The following FAM200B variants were observed in gnomAD, a reference collection of about 807,000 sequenced individuals.
FAM200B encodes protein FAM200B.
FAM200B carries 32 observed loss-of-function variants against 33.1 expected under a neutral mutation model. That is an observed-to-expected ratio of 0.97 (90% CI 0.73 to 1.30). The LOEUF (loss-of-function observed/expected upper bound fraction) is 1.30. Ranked by LOEUF, FAM200B falls within the 50% of genes most tolerant of loss-of-function variation. FAM200B has a pLI of 0.00. For missense variants in FAM200B, 741 were observed against 754.0 expected (o/e 0.98, Z 0.20); for synonymous variants, 240 against 264.8 (o/e 0.91, Z 0.91).
the FAM200B span, chr4:15,641,516 T>C: frequency 5.0e-6 from 2 of 399,596 alleles, no homozygotes; most frequent in Non-Finnish European, 9.8e-6. Flanking sequence ...TTCTTTTCTC[T>C]AGCTTACCTT....
the FAM200B span, among the ~76,000 whole-genome samples, chr4:15,668,497 T>C: frequency 6.6e-6 from 1 of 152,146 alleles, no homozygotes; most frequent in Non-Finnish European, 1.5e-5. Flanking sequence ...TTGTTCTTTG[T>C]ACTTGGTTTT....
chr4:15,673,206 G>A, the FAM200B span, among the ~76,000 whole-genome samples: 1 of 152,162 alleles, frequency 6.6e-6, no homozygotes, highest in African/African-American at 2.4e-5. Flanking sequence ...TTGGGAGGCC[G>A]AGGTAGCTGG....
the FAM200B span, among the ~76,000 whole-genome samples, chr4:15,649,416 T>C: frequency 6.6e-6 from 1 of 151,830 alleles, no homozygotes; most frequent in South Asian, 2.1e-4. Flanking sequence ...TAACCTCTAC[T>C]AAAACTACAA....
In FAM200B at chr4:15,688,089, C is replaced by G; in HGVS notation, c.1112C>G (p.Ser371Ter). 6.4e-7 allele frequency: 1 copy of G among 1,551,004 alleles called. No homozygotes were observed. Among genetic ancestry groups the G allele is most frequent in the South Asian group, 1.2e-5 (1 of 83,962 alleles). ...LNSRLLETFCSEIGTNHTHLL... is the reference protein window; with the variant it reads ...LNSRLLETFC Reference sequence around the variant, plus strand: ...AGCCGGCTTCTTGAAACATTTTGTTCAGAGATTGGAACTAATCATACCCAC... The same window carrying G: ...AGCCGGCTTCTTGAAACATTTTGTTGAGAGATTGGAACTAATCATACCCAC... Residue 371 changes from serine (S) to a stop codon, truncating the protein, a stop_gained, in exon 2 of 2, where the codon TCA (serine) becomes TGA (stop). Coordinates refer to ENST00000422728, the MANE Select transcript of FAM200B (RefSeq NM_001145191.2). LOFTEE classifies it high-confidence loss of function.
the FAM200B span, among the ~76,000 whole-genome samples, chr4:15,671,759 T>G: frequency 6.6e-6 from 1 of 152,206 alleles, no homozygotes; most frequent in Non-Finnish European, 1.5e-5. Flanking sequence ...ATTTTTTTGG[T>G]GTGACTTTGA....
the FAM200B span, among the ~76,000 whole-genome samples, chr4:15,669,707 T>A: frequency 6.6e-6 from 1 of 152,222 alleles, no homozygotes; most frequent in Non-Finnish European, 1.5e-5. Context: ...GAAAAGTTAT[T>A]TTTATTAAAT....
chr4:15,644,348 A>C, the FAM200B span: 1 of 665,034 alleles, frequency 1.5e-6, no homozygotes, highest in Non-Finnish European at 2.5e-6. Flanking sequence ...CTTTTTAAAT[A>C]GTCTTCCTTG....
upstream of FAM200B, among the ~76,000 whole-genome samples, chr4:15,678,375 T>C (rs1249633334): frequency 6.6e-6 from 1 of 152,242 alleles, no homozygotes; most frequent in Non-Finnish European, 1.5e-5. Flanking sequence ...CATTGCTGTT[T>C]ACCTCAGTAT....
At chr4:15,678,660 A>G (rs1021170556), upstream of FAM200B, among the ~76,000 whole-genome samples, 3 of 152,216 alleles carry the variant, frequency 2.0e-5, no homozygotes, top group African/African-American at 7.2e-5. Flanking sequence ...TAATTTAAGT[A>G]TATTTACCTA....
the FAM200B span, chr4:15,659,845 C>A: frequency 2.0e-6 from 1 of 497,652 alleles, no homozygotes; most frequent in South Asian, 8.4e-5. Context: ...TGTGTATGGC[C>A]TGAGGGAAAG....
upstream of FAM200B, among the ~76,000 whole-genome samples, chr4:15,677,026 A>G (rs183838461): frequency 1.8e-4 from 28 of 152,354 alleles, no homozygotes; most frequent in African/African-American, 6.0e-4. Flanking sequence ...AACTCCGTTT[A>G]TATTAAGGTC....
the FAM200B span, among the ~76,000 whole-genome samples, chr4:15,648,224 G>A: frequency 6.6e-6 from 1 of 152,094 alleles, no homozygotes; most frequent in Non-Finnish European, 1.5e-5. Context: ...CATCTGTAAG[G>A]CTTATTTAGT....
intron 1 of FAM200B, among the ~76,000 whole-genome samples, chr4:15,683,196 T>C (rs1207271818): frequency 6.6e-6 from 1 of 152,234 alleles, no homozygotes; most frequent in East Asian, 1.9e-4. Context: ...GTCCATCATA[T>C]TATCACATTC....
chr4:15,683,286 C>T lies in FAM200B; in HGVS notation c.-743+1385C>T, dbSNP rs1271029360. 2.0e-5 allele frequency among the ~76,000 whole-genome samples: 3 copies of T among 151,882 alleles called. No homozygotes were observed. The East Asian group carries it at 5.8e-4, about 30-fold the overall frequency. On this transcript the variant is annotated intron_variant, in intron 1 of 1. Transcript: ENST00000422728. ...ACTTCGGCCTCTTACTTAGATGATA[C>T]CTCACATCCTATTGAGTTAAAAAAA...
At chr4:15,654,124 A>G in the FAM200B span, among the ~76,000 whole-genome samples, 1 of 152,216 alleles carries the variant, frequency 6.6e-6, no homozygotes, top group South Asian at 2.1e-4. Context: ...GCATCCTCCA[A>G]TCGCCTGGCT....
In FAM200B at chr4:15,687,341, T is replaced by C. The variant is rs1167401458; in HGVS notation, c.364T>C (p.Phe122Leu). 1.3e-6 allele frequency: 2 copies of C among 1,545,600 alleles called. No individual in the cohort carries two copies. Among genetic ancestry groups the C allele is most frequent in the Non-Finnish European group, 1.7e-6 (2 of 1,144,384 alleles). ...AELIDKPLEY[F>L]QRKKKDIKLS... The stretch of plus-strand genomic sequence containing the variant: ...ACTTATTGATAAGCCTCTTGAATAT[T>C]TTCAAAGAAAGAAAAAAGACATAAA... Residue 122 changes from phenylalanine to leucine, a missense_variant, in exon 2 of 2, where the codon TTT becomes CTT. Phe to Leu is a conservative substitution (Grantham distance 22). Coordinates refer to ENST00000422728, the MANE Select transcript of FAM200B (RefSeq NM_001145191.2).
the FAM200B span, among the ~76,000 whole-genome samples, chr4:15,639,434 C>T: frequency 4.6e-5 from 7 of 152,212 alleles, no homozygotes; most frequent in Non-Finnish European, 8.8e-5. Context: ...AGACATTTAA[C>T]TTTTCAATAT....
chr4:15,646,431 T>C, the FAM200B span, among the ~76,000 whole-genome samples: 1 of 149,892 alleles, frequency 6.7e-6, no homozygotes, highest in Non-Finnish European at 1.5e-5. Context: ...GTGGCTAATC[T>C]CTGCAAACAC....
chr4:15,645,169 G>A, the FAM200B span, among the ~76,000 whole-genome samples: 1 of 151,830 alleles, frequency 6.6e-6, no homozygotes, highest in Non-Finnish European at 1.5e-5. Context: ...TCCTAAAATG[G>A]AACATAATCT....
Sources: allele counts gnomAD v4.1 joint callset (sites outside exome capture counted in the v4.1 genomes callset), GRCh38; gene constraint gnomAD v4.1.1; transcripts MANE v1.5; gene names NCBI Gene and HGNC (gene_info 2026-07-23, HGNC 2026-07-21).